SMIM30: variants seen among roughly 807,000 people sequenced by gnomAD.
SMIM30 encodes small integral membrane protein 30.
For missense variants in SMIM30, 43 were observed against 27.6 expected, an observed-to-expected ratio of 1.56 and a Z score of -1.25; for synonymous variants, 19 against 11.5, an observed-to-expected ratio of 1.65 and a Z score of -1.31.
At chr7:113,117,868 A>C (rs538983220) in intron 2 of SMIM30, 200 bp downstream of exon 2, 1 of 426,646 alleles carries the variant, frequency 2.3e-6, no homozygotes, top group South Asian at 2.3e-5. Flanking sequence ...GCATCAACCA[A>C]ACAAAAATTG....
At chr7:113,118,234 T>G in intron 1 of SMIM30, 73 bp from the exon 2 acceptor site, 1 of 422,576 alleles carries the variant, frequency 2.4e-6, no homozygotes, top group Admixed American at 2.7e-5. Flanking sequence ...ACTATTATTA[T>G]TTTAAAGAGG....
At position 113,116,723 on chromosome 7, in the gene SMIM30, T is replaced by C. The variant is rs1247433475; in HGVS notation, c.*676A>G. Reference sequence around the variant, plus strand: ...TAAGAAATGGACACGAAACATTAACTTATAACATAATGGGTTTATATTTAA... The same window carrying C: ...TAAGAAATGGACACGAAACATTAACCTATAACATAATGGGTTTATATTTAA... On this transcript the variant is annotated 3_prime_UTR_variant, in exon 3 of 3. Coordinates refer to ENST00000397764, the MANE Select transcript of SMIM30 (RefSeq NM_001352688.2). 1 of 152,188 alleles carries C rather than the reference T, an allele frequency of 6.6e-6. No individual in the cohort carries two copies. Among genetic ancestry groups the C allele is most frequent in the African/African-American group, 2.4e-5 (1 of 41,452 alleles). 9.4% of individuals were successfully genotyped at this position (152,188 alleles called of 1,614,324 possible).
intron 1 of SMIM30, 87 bp from the exon 2 acceptor site, chr7:113,118,248 C>T: frequency 2.4e-6 from 1 of 420,898 alleles, no homozygotes; most frequent in Non-Finnish European, 4.7e-6. Context: ...AAAGAGGCAG[C>T]TAGAGTCAGT....
At position 113,117,043 on chromosome 7, in the gene SMIM30, G is replaced by A. The variant is rs1171754493; in HGVS notation, c.*356C>T. 1.3e-5 allele frequency: 3 copies of A among 237,286 alleles called. No individual in the cohort carries two copies. The highest frequency in any genetic ancestry group is 5.8e-5 in the South Asian group (1 of 17,374). The allele number at this position is 237,286 out of a possible 1,614,324, so 14.7% of individuals were successfully genotyped here. A position where few individuals can be genotyped will look rare whatever the true frequency, so the allele number is the denominator to read the frequency against. The stretch of plus-strand genomic sequence containing the variant: ...GATTCAGGAGGCAGTGATTATAACC[G>A]AACAGTGGTGATTTCCTAAGATTCT... On this transcript the variant is annotated 3_prime_UTR_variant, in exon 3 of 3. Coordinates refer to ENST00000397764, the MANE Select transcript of SMIM30 (RefSeq NM_001352688.2).
chr7:113,117,763 G>A, intron 2 of SMIM30, 156 bp from the exon 3 acceptor site: 1 of 598,752 alleles, frequency 1.7e-6, no homozygotes, highest in South Asian at 2.0e-5. Flanking sequence ...TGGAAAAACA[G>A]AGGGACGTTA....
Position 113,117,538 on chromosome 7 carries a change from G to A in SMIM30, c.41C>T (p.Ser14Leu). Reference sequence around the variant, plus strand: ...CACAACAGGCAGCACCAAAAGCAGTGACATGAGGACTAAGGACAACTGTGT... The same window carrying A: ...CACAACAGGCAGCACCAAAAGCAGTAACATGAGGACTAAGGACAACTGTGT... ...VSTQLSLVLM[S>L]LLLVLPVVEA... is the part of the protein sequence containing the mutation. Residue 14 changes from serine (S) to leucine (L), a missense_variant, in exon 3 of 3, where the codon TCA (serine) becomes TTA (leucine). Physicochemically the swap from Ser to Leu is moderately radical, Grantham distance 145 (BLOSUM62 -2). Transcript: ENST00000397764. 3 of 702,910 alleles carry A rather than the reference G, an allele frequency of 4.3e-6. No homozygotes were observed. Among genetic ancestry groups the A allele is most frequent in the Non-Finnish European group, 7.8e-6 (3 of 384,924 alleles). 43.5% of individuals were successfully genotyped at this position (702,910 alleles called of 1,614,324 possible). A position where few individuals can be genotyped will look rare whatever the true frequency, so the allele number is the denominator to read the frequency against.
Position 113,117,312 on chromosome 7 carries a change from G to C in SMIM30, c.*87C>G. 1.5e-6 allele frequency: 1 copy of C among 669,160 alleles called. No homozygotes were observed. The highest frequency in any genetic ancestry group is 2.7e-5 in the East Asian group (1 of 36,696). 41.5% of individuals were successfully genotyped at this position (669,160 alleles called of 1,614,324 possible). The stretch of plus-strand genomic sequence containing the variant: ...GAAACTCCCTTATTTACTGATTCTT[G>C]GAACCTTTCACACACCAAATCTCAG... On this transcript the variant is annotated 3_prime_UTR_variant, in exon 3 of 3. Coordinates refer to ENST00000397764, the MANE Select transcript of SMIM30 (RefSeq NM_001352688.2).
chr7:113,118,301 G>T, intron 1 of SMIM30, 140 bp from the exon 2 acceptor site: 6 of 424,524 alleles, frequency 1.4e-5, no homozygotes, highest in Admixed American at 2.5e-5. Context: ...GATAGGTAAT[G>T]AGTTGAGAAA....
At chr7:113,118,335 C>CT (rs1449685732) in intron 1 of SMIM30, 174 bp from the exon 2 acceptor site, 1 of 440,498 alleles carries the variant, frequency 2.3e-6, no homozygotes, top group East Asian at 7.0e-5. Flanking sequence ...GGGAACTAGA[C>CT]TTAAAAGTTG....
chr7:113,118,474 T>C (rs762550049), intron 1 of SMIM30, 54 bp downstream of exon 1: 6 of 456,238 alleles, frequency 1.3e-5, no homozygotes, highest in South Asian at 9.3e-5. Flanking sequence ...GCTCCTGTTT[T>C]ACAAATACAC....
At position 113,117,348 on chromosome 7, in the gene SMIM30, T is replaced by C. The variant is rs752362433; in HGVS notation, c.*51A>G. The C allele has an allele frequency of 6.6e-5, 46 of 700,458 alleles. No individual in the cohort carries two copies. The highest frequency in any genetic ancestry group is 1.1e-4 in the Non-Finnish European group (42 of 383,186). The allele number at this position is 700,458 out of a possible 1,614,324, so 43.4% of individuals were successfully genotyped here. A position where few individuals can be genotyped will look rare whatever the true frequency, so the allele number is the denominator to read the frequency against. On this transcript the variant is annotated 3_prime_UTR_variant, in exon 3 of 3. Coordinates refer to ENST00000397764, the MANE Select transcript of SMIM30 (RefSeq NM_001352688.2). ...CACACCAAATCTCAGGTTTAGCCTCTAAAGCGCAAAGGTTTTCAGGGTGAG... is the reference window on the plus strand; with the variant it reads ...CACACCAAATCTCAGGTTTAGCCTCCAAAGCGCAAAGGTTTTCAGGGTGAG...
At chr7:113,118,421 T>C in intron 1 of SMIM30, 107 bp downstream of exon 1, 1 of 455,838 alleles carries the variant, frequency 2.2e-6, no homozygotes, top group Non-Finnish European at 4.4e-6. Context: ...GATATTAAGA[T>C]TTGAAAAAGA....
chr7:113,117,429 T>G lies in SMIM30; in HGVS notation c.150A>C (p.Val50=), dbSNP rs774565855. 1.4e-6 allele frequency: 1 copy of G among 702,946 alleles called. No individual in the cohort carries two copies. The highest frequency in any genetic ancestry group is 1.7e-5 in the African/African-American group (1 of 57,334). 43.5% of individuals were successfully genotyped at this position (702,946 alleles called of 1,614,324 possible). A position where few individuals can be genotyped will look rare whatever the true frequency, so the allele number is the denominator to read the frequency against. The part of the protein sequence containing the change: ...SITGICACLG[V]YARKRNGQM Reference sequence around the variant, plus strand: ...TCTGTCCATTTCTTTTTCGTGCATATACCCCCAAGCAGGCACAAATGCCTG... The same window carrying G: ...TCTGTCCATTTCTTTTTCGTGCATAGACCCCCAAGCAGGCACAAATGCCTG... The change falls in exon 3 of 3, where the codon GTA becomes GTC. Residue 50 remains valine, a synonymous_variant. Transcript: ENST00000397764.
chr7:113,117,803 TC>T, intron 2 of SMIM30, 196 bp from the exon 3 acceptor site: 1 of 554,414 alleles, frequency 1.8e-6, no homozygotes, highest in Non-Finnish European at 3.2e-6. Context: ...CATCTCCCTA[TC>T]TCGTGATAAC....
intron 1 of SMIM30, 36 bp downstream of exon 1, chr7:113,118,492 A>AC: frequency 2.2e-6 from 1 of 456,182 alleles, no homozygotes; most frequent in South Asian, 1.5e-5. Context: ...CACTGGTGCA[A>AC]CCTAAGTATC....
Position 113,118,514 on chromosome 7 carries a change from A to C in SMIM30, c.-124+14T>G. On this transcript the variant is annotated intron_variant, in intron 1 of 2. Transcript: ENST00000397764. ...GCAACCTAAGTATCCTTTGGAGACG[A>C]GTTCGTACATTACCTTCTAGGAAGC... is the stretch of plus-strand genomic sequence containing the variant. The C allele has an allele frequency of 2.2e-6, 1 of 456,146 alleles. No homozygotes were observed. Among genetic ancestry groups the C allele is most frequent in the Non-Finnish European group, 4.4e-6 (1 of 226,930 alleles). 28.3% of individuals were successfully genotyped at this position (456,146 alleles called of 1,614,324 possible).
chr7:113,118,539 C>T lies in SMIM30; in HGVS notation c.-135G>A, dbSNP rs1371356291. 2 of 455,526 alleles carry T rather than the reference C, an allele frequency of 4.4e-6. No homozygotes were observed. Among genetic ancestry groups the T allele is most frequent in the Admixed American group, 4.7e-5 (2 of 42,556 alleles). The allele number at this position is 455,526 out of a possible 1,614,324, so 28.2% of individuals were successfully genotyped here. A position where few individuals can be genotyped will look rare whatever the true frequency, so the allele number is the denominator to read the frequency against. ...AGTTCGTACATTACCTTCTAGGAAG[C>T]AGCCATTACAGGAATGGCGAGGAGG... is the stretch of plus-strand genomic sequence containing the variant. On this transcript the variant is annotated 5_prime_UTR_variant, in exon 1 of 3. Transcript: ENST00000397764.
intron 2 of SMIM30, 163 bp downstream of exon 2, chr7:113,117,905 C>CAA (rs1563005252): frequency 2.7e-6 from 1 of 373,830 alleles, no homozygotes; most frequent in Non-Finnish European, 5.1e-6. Flanking sequence ...TAAGAACAAA[C>CAA]AGAAAAAAAG....
In SMIM30 at chr7:113,117,185, T is replaced by C. The variant is rs1436270943; in HGVS notation, c.*214A>G. On this transcript the variant is annotated 3_prime_UTR_variant, in exon 3 of 3. Transcript: ENST00000397764. ...CTTTGACTACCTAACTAGCAAATTATAGGCTGCATTTTTCTGTGCATTATT... is the reference window on the plus strand; with the variant it reads ...CTTTGACTACCTAACTAGCAAATTACAGGCTGCATTTTTCTGTGCATTATT... 1 of 509,240 alleles carries C rather than the reference T, an allele frequency of 2.0e-6. No individual in the cohort carries two copies. The highest frequency in any genetic ancestry group is 3.5e-6 in the Non-Finnish European group (1 of 283,386). The allele number at this position is 509,240 out of a possible 1,614,324, so 31.5% of individuals were successfully genotyped here.
Sources: gnomAD v4.1 joint callset for allele counts on GRCh38, gnomAD v4.1.1 for gene constraint, MANE v1.5 for transcripts, NCBI Gene and HGNC (gene_info 2026-07-23, HGNC 2026-07-21) for gene names.